The following ADAMTS3 variants were observed in gnomAD, a reference collection of about 807,000 sequenced individuals.
ADAMTS3 encodes A disintegrin and metalloproteinase with thrombospondin motifs 3.
In ADAMTS3, 73 loss-of-function variants were observed where a neutral mutation model predicts 129.0. That is an observed-to-expected ratio of 0.57 (90% CI 0.47 to 0.69). ADAMTS3 has a LOEUF of 0.69. Among genes scored for constraint, ADAMTS3 ranks in the 30% least tolerant of loss-of-function variants. The pLI, the probability that ADAMTS3 is intolerant of heterozygous loss-of-function variation, is 0.00. For synonymous variants in ADAMTS3, 477 were observed against 510.8 expected (o/e 0.93, Z 0.89); for missense variants, 1,457 against 1,514.5 (o/e 0.96, Z 0.63).
At chr4:72,529,716 T>A (rs1720914732) in intron 3 of ADAMTS3, among the ~76,000 whole-genome samples, 1 of 106,016 alleles carries the variant, frequency 9.4e-6, no homozygotes, top group Non-Finnish European at 1.8e-5. Flanking sequence ...TTAAATATAA[T>A]ATATATTAAT....
At chr4:72,503,986 T>C (rs1056866438) in intron 3 of ADAMTS3, among the ~76,000 whole-genome samples, 1 of 152,236 alleles carries the variant, frequency 6.6e-6, no homozygotes, top group Admixed American at 6.5e-5. Flanking sequence ...ATATTATGGA[T>C]GTCATTATGT....
intron 3 of ADAMTS3, among the ~76,000 whole-genome samples, chr4:72,511,307 C>T (rs1219823352): frequency 6.6e-6 from 1 of 151,988 alleles, no homozygotes; most frequent in Non-Finnish European, 1.5e-5. Flanking sequence ...AGCTTCTGCA[C>T]AGCAAAGTGA....
At chr4:72,434,390 GTGTCTTTTAAC>G (rs1722770281) in intron 3 of ADAMTS3, among the ~76,000 whole-genome samples, 1 of 23,770 alleles carries the variant, frequency 4.2e-5, no homozygotes, top group Non-Finnish European at 1.3e-4. Flanking sequence ...ACATGAACTC[GTGTCTTTTAAC>G]TCTTAACTGA....
At chr4:72,554,125 T>C (rs1057090324) in intron 2 of ADAMTS3, among the ~76,000 whole-genome samples, 3 of 152,172 alleles carry the variant, frequency 2.0e-5, no homozygotes, top group Non-Finnish European at 2.9e-5. Context: ...CCTTGTACTA[T>C]GTGAAATAAC....
chr4:72,463,504 A>G (rs1718828832), intron 3 of ADAMTS3, among the ~76,000 whole-genome samples: 1 of 151,994 alleles, frequency 6.6e-6, no homozygotes, highest in Non-Finnish European at 1.5e-5. Flanking sequence ...AAAAGCCACA[A>G]TGAACAGCAA....
intron 2 of ADAMTS3, among the ~76,000 whole-genome samples, chr4:72,560,542 G>C (rs1721877934): frequency 1.3e-5 from 2 of 152,268 alleles, no homozygotes; most frequent in East Asian, 3.9e-4. Flanking sequence ...GCAGGAACAT[G>C]GATGGAGCTG....
chr4:72,523,317 T>C (rs1720723957), intron 3 of ADAMTS3, among the ~76,000 whole-genome samples: 1 of 152,042 alleles, frequency 6.6e-6, no homozygotes, highest in South Asian at 2.1e-4. Context: ...AAAGCATAAT[T>C]TCTAAAGTTC....
At chr4:72,404,065 T>A (rs1721991700) in intron 4 of ADAMTS3, among the ~76,000 whole-genome samples, 1 of 152,094 alleles carries the variant, frequency 6.6e-6, no homozygotes. Context: ...GAAAAGTTAT[T>A]GTTAAAACGT....
intron 3 of ADAMTS3, among the ~76,000 whole-genome samples, chr4:72,441,022 A>T (rs963990881): frequency 6.6e-6 from 1 of 151,890 alleles, no homozygotes; most frequent in Non-Finnish European, 1.5e-5. Flanking sequence ...AAAATATAGG[A>T]CATATCTGTG....
intron 1 of ADAMTS3, 63 bp downstream of exon 1, chr4:72,568,631 G>T: frequency 7.7e-7 from 1 of 1,292,538 alleles, no homozygotes; most frequent in Non-Finnish European, 1.1e-6. Flanking sequence ...GTAGAGAGGG[G>T]AGGAACTTTT....
At chr4:72,326,878 TA>T (rs1719712520) in intron 5 of ADAMTS3, among the ~76,000 whole-genome samples, 1 of 152,144 alleles carries the variant, frequency 6.6e-6, no homozygotes, top group Non-Finnish European at 1.5e-5. Flanking sequence ...AAAAATCATT[TA>T]AAAGCTATTT....
intron 3 of ADAMTS3, among the ~76,000 whole-genome samples, chr4:72,423,799 C>T (rs763095266): frequency 9.2e-5 from 14 of 152,078 alleles, no homozygotes; most frequent in Middle Eastern, 3.4e-3. Context: ...AAGCTGTATT[C>T]GCAAACCAAA....
At chr4:72,318,127 A>G (rs1365511727) in intron 10 of ADAMTS3, among the ~76,000 whole-genome samples, 17 of 152,120 alleles carry the variant, frequency 1.1e-4, no homozygotes, top group Admixed American at 1.1e-3. Flanking sequence ...TACCAGCACA[A>G]TCCTTCCCTA....
rs1222527300 is a variant in ADAMTS3, at chr4:72,546,348, GGAGA to G, written c.504+2126_504+2129del. On this transcript the variant is annotated intron_variant, in intron 3 of 21. Coordinates refer to ENST00000286657, the MANE Select transcript of ADAMTS3 (RefSeq NM_014243.3). Reference sequence around the variant, plus strand: ...GTATGAACTGAGGACAAGTCAGGAGGGAGAGTGTTTTGACCAGACCTTTCCTGAG... The same window carrying G: ...GTATGAACTGAGGACAAGTCAGGAGGGTGTTTTGACCAGACCTTTCCTGAG... 3.3e-5 allele frequency among the ~76,000 whole-genome samples: 5 copies of G among 152,156 alleles called. No individual in the cohort carries two copies. In the East Asian group the frequency reaches 9.7e-4, roughly 29 times the overall value.
intron 7 of ADAMTS3, among the ~76,000 whole-genome samples, chr4:72,320,445 C>T (rs1030321472): frequency 6.6e-6 from 1 of 152,206 alleles, no homozygotes; most frequent in African/African-American, 2.4e-5. Flanking sequence ...TAGTGGAAAT[C>T]ACACTGCATT....
At chr4:72,568,604 G>A (rs1722082409) in intron 1 of ADAMTS3, 90 bp downstream of exon 1, 2 of 961,934 alleles carry the variant, frequency 2.1e-6, no homozygotes, top group Non-Finnish European at 3.2e-6. Flanking sequence ...GGGAGGAGAA[G>A]GAGGAAAGAG....
chr4:72,505,273 GTC>G (rs1278296182), intron 3 of ADAMTS3, among the ~76,000 whole-genome samples: 1 of 151,974 alleles, frequency 6.6e-6, no homozygotes, highest in Non-Finnish European at 1.5e-5. Context: ...TTCTTTCCCT[GTC>G]TCTTTACCCT....
At chr4:72,545,671 ATCCAT>A (rs1156467368) in intron 3 of ADAMTS3, among the ~76,000 whole-genome samples, 1 of 152,108 alleles carries the variant, frequency 6.6e-6, no homozygotes, top group Non-Finnish European at 1.5e-5. Flanking sequence ...TCAGCATGTA[ATCCAT>A]GAAGGCACAG....
At chr4:72,301,002 T>G (rs530584905) in intron 17 of ADAMTS3, among the ~76,000 whole-genome samples, 1 of 152,182 alleles carries the variant, frequency 6.6e-6, no homozygotes, top group African/African-American at 2.4e-5. Context: ...TCCAGATACA[T>G]GTTCCACAGA....
Sources: allele counts gnomAD v4.1 joint callset (sites outside exome capture counted in the v4.1 genomes callset), GRCh38; gene constraint gnomAD v4.1.1; transcripts MANE v1.5; gene names NCBI Gene and HGNC (gene_info 2026-07-23, HGNC 2026-07-21).